SLC39A10: variants seen among roughly 807,000 people sequenced by gnomAD.
SLC39A10 encodes the protein zinc transporter ZIP10.
In SLC39A10, 13 loss-of-function variants were observed where a neutral mutation model predicts 65.1. That is an observed-to-expected ratio of 0.20 (90% CI 0.13 to 0.32). The LOEUF (loss-of-function observed/expected upper bound fraction) is 0.32. Among genes scored for constraint, SLC39A10 ranks in the 10% least tolerant of loss-of-function variants. The pLI is 1.00. For synonymous variants in SLC39A10, 321 were observed against 342.2 expected (o/e 0.94, Z 0.68); for missense variants, 831 against 1,018.4 (o/e 0.82, Z 2.50).
At chr2:195,685,559 G>A (rs1172086260) in intron 3 of SLC39A10, among the ~76,000 whole-genome samples, 1 of 151,974 alleles carries the variant, frequency 6.6e-6, no homozygotes, top group African/African-American at 2.4e-5. Context: ...ACTGATAATA[G>A]ATTGTGCCAT....
In SLC39A10 at chr2:195,728,384, C is replaced by G. The variant is rs1692319941; in HGVS notation, c.2337+35C>G. The G allele has an allele frequency of 1.9e-6, 3 of 1,559,104 alleles. No individual in the cohort carries two copies. Among genetic ancestry groups the G allele is most frequent in the South Asian group, 1.2e-5 (1 of 83,370 alleles). On this transcript the variant is annotated intron_variant, in intron 9 of 9. Coordinates refer to ENST00000359634, the MANE Select transcript of SLC39A10 (RefSeq NM_020342.3). This position sits in a 1 kb window ranked among gnomAD's most constrained non-coding sequence, Gnocchi z 4.4. ...TTTATATTTTTTTGTGGTACTAAACCTGCAAATGAAAGAAATCCTTGGAAG... is the reference window on the plus strand; with the variant it reads ...TTTATATTTTTTTGTGGTACTAAACGTGCAAATGAAAGAAATCCTTGGAAG...
At chr2:195,708,955 G>T (rs1325680362) in intron 5 of SLC39A10, 111 bp downstream of exon 5, 1 of 716,706 alleles carries the variant, frequency 1.4e-6, no homozygotes, top group Non-Finnish European at 2.2e-6. Flanking sequence ...TTAAGTCTCA[G>T]TTTTGTAACA....
chr2:195,734,853 A>G (rs1213251748), intron 9 of SLC39A10, 30 bp from the exon 10 acceptor site: 1 of 1,570,282 alleles, frequency 6.4e-7, no homozygotes, highest in East Asian at 2.3e-5. Context: ...AGTATTATAC[A>G]AAGTTTAATG....
chr2:195,734,916 G>A lies in SLC39A10; in HGVS notation c.2371G>A (p.Glu791Lys), dbSNP rs757362804. 1 of 1,610,148 alleles carries A rather than the reference G, an allele frequency of 6.2e-7. No homozygotes were observed. Among genetic ancestry groups the A allele is most frequent in the Non-Finnish European group, 8.5e-7 (1 of 1,178,552 alleles). Residue 791 changes from glutamate to lysine, a missense_variant, in exon 10 of 10, where the codon GAA becomes AAA. Glu to Lys is a moderately conservative substitution (Grantham distance 56, BLOSUM62 1). This residue lies in a region of SLC39A10 where 120 missense variants were observed against 203.9 expected (regional missense o/e 0.59). Coordinates refer to ENST00000359634, the MANE Select transcript of SLC39A10 (RefSeq NM_020342.3). ...AATGTTGCATGGTGATGGTGACAAT[G>A]AAGAACATGGCTTTTGTCCTGTGGG... ...PEMLHGDGDN[E>K]EHGFCPVGQF...
chr2:195,725,106 C>T (rs1484871461), intron 8 of SLC39A10, among the ~76,000 whole-genome samples: 3 of 151,860 alleles, frequency 2.0e-5, no homozygotes, highest in African/African-American at 7.3e-5. Flanking sequence ...AAGAAAAATA[C>T]CTTTGACCCA....
intron 3 of SLC39A10, among the ~76,000 whole-genome samples, chr2:195,684,294 A>C (rs373946664): frequency 6.6e-6 from 1 of 152,236 alleles, no homozygotes; most frequent in South Asian, 2.1e-4. Flanking sequence ...AAGATGATTA[A>C]AATTTTAAAG....
intron 2 of SLC39A10, among the ~76,000 whole-genome samples, chr2:195,617,729 A>C (rs201472191): frequency 1.9e-3 from 232 of 123,476 alleles, no homozygotes; most frequent in East Asian, 3.4e-3. Flanking sequence ...CTTTTCTTTT[A>C]TTTTATTTTA....
chr2:195,695,736 C>T (rs562862374), intron 3 of SLC39A10, among the ~76,000 whole-genome samples: 2 of 152,314 alleles, frequency 1.3e-5, no homozygotes, highest in South Asian at 2.1e-4. Flanking sequence ...GCCGCCTATC[C>T]GCCATCTTAA....
intron 2 of SLC39A10, among the ~76,000 whole-genome samples, chr2:195,614,579 G>A (rs1302809589): frequency 6.6e-6 from 1 of 152,030 alleles, no homozygotes; most frequent in Non-Finnish European, 1.5e-5. Flanking sequence ...GAGATGTTTT[G>A]GCTTTTGGTA....
intron 4 of SLC39A10, 38 bp downstream of exon 4, chr2:195,706,823 A>G: frequency 1.4e-6 from 2 of 1,387,936 alleles, no homozygotes; most frequent in Non-Finnish European, 1.9e-6. Context: ...AATTTAAAAT[A>G]AAAATATTTA....
intron 1 of SLC39A10, among the ~76,000 whole-genome samples, chr2:195,661,796 C>T (rs1689408838): frequency 6.6e-6 from 1 of 152,102 alleles, no homozygotes; most frequent in Admixed American, 6.5e-5. Context: ...CAGGCTTGTA[C>T]AAGTATAAGG....
At chr2:195,677,563 T>C (rs1260873879) in intron 1 of SLC39A10, among the ~76,000 whole-genome samples, 1 of 152,102 alleles carries the variant, frequency 6.6e-6, no homozygotes, top group Non-Finnish European at 1.5e-5. Context: ...TCCACAAAGT[T>C]TAGTTTTATT....
At chr2:195,684,435 A>C (rs1478312152) in intron 3 of SLC39A10, among the ~76,000 whole-genome samples, 3 of 152,052 alleles carry the variant, frequency 2.0e-5, no homozygotes, top group Admixed American at 2.0e-4. Context: ...ACTATTTTTA[A>C]ATTTCTCTTA....
chr2:195,642,433 C>A (rs1688829160), intron 2 of SLC39A10, among the ~76,000 whole-genome samples: 1 of 152,124 alleles, frequency 6.6e-6, no homozygotes, highest in Admixed American at 6.5e-5. Flanking sequence ...ACAGCAGAAC[C>A]ATTTTAAGGA....
At chr2:195,681,536 GAAAA>G (rs1161590597) in intron 2 of SLC39A10, among the ~76,000 whole-genome samples, 1 of 151,888 alleles carries the variant, frequency 6.6e-6, no homozygotes, top group Non-Finnish European at 1.5e-5. Context: ...AAAAAAGAAA[GAAAA>G]AAGATTTTTA....
chr2:195,658,282 A>G (rs913977444), intron 1 of SLC39A10: 1 of 152,208 alleles, frequency 6.6e-6, no homozygotes. Flanking sequence ...GCCTGTCCAC[A>G]TGGGCTGTAC....
chr2:195,656,847 A>C (rs1012351667), upstream of SLC39A10: 1 of 152,284 alleles, frequency 6.6e-6, no homozygotes, highest in Non-Finnish European at 1.5e-5. Context: ...TTCGAAAGCC[A>C]GGAGAAAAGG....
chr2:195,722,644 T>G (rs1402886989), intron 8 of SLC39A10, among the ~76,000 whole-genome samples: 1 of 152,292 alleles, frequency 6.6e-6, no homozygotes, highest in East Asian at 1.9e-4. Flanking sequence ...CCTCTATAGG[T>G]TGAGTTAGAA....
chr2:195,660,457 A>G (rs1007017752), intron 1 of SLC39A10, among the ~76,000 whole-genome samples: 17 of 152,210 alleles, frequency 1.1e-4, no homozygotes, highest in Non-Finnish European at 2.9e-5. Context: ...TGCCCAGCCT[A>G]ACCCACAACA....
Sources: allele counts gnomAD v4.1 joint callset (sites outside exome capture counted in the v4.1 genomes callset), GRCh38; gene constraint gnomAD v4.1.1; regional missense constraint gnomAD v4.1.1; non-coding constraint Gnocchi (gnomAD v3.1); transcripts MANE v1.5; gene names NCBI Gene and HGNC (gene_info 2026-07-23, HGNC 2026-07-21).